NUP93: variants seen among roughly 807,000 people sequenced by gnomAD.
NUP93 encodes the protein nuclear pore complex protein Nup93.
Under a neutral mutation model 107.8 loss-of-function variants are expected in NUP93, and 55 were observed. That is an observed-to-expected ratio of 0.51 (90% CI 0.41 to 0.64). The LOEUF (loss-of-function observed/expected upper bound fraction) is 0.64, where lower values mean the gene tolerates loss of function less well. Among genes scored for constraint, NUP93 ranks in the 30% least tolerant of loss-of-function variants. The pLI is 0.00. For synonymous variants in NUP93, 390 were observed against 397.5 expected (o/e 0.98, Z 0.22); for missense variants, 937 against 1,044.7 (o/e 0.90, Z 1.42).
intron 4 of NUP93, among the ~76,000 whole-genome samples, chr16:56,801,734 G>T (rs572414147): frequency 6.6e-6 from 1 of 152,292 alleles, no homozygotes; most frequent in South Asian, 2.1e-4. Context: ...TGTTCATTCA[G>T]GTTGTGAGGG....
chr16:56,739,347 T>A, intron 1 of NUP93, among the ~76,000 whole-genome samples: 1 of 45,028 alleles, frequency 2.2e-5, no homozygotes, highest in Non-Finnish European at 4.4e-5. Context: ...GCAGGGGGGC[T>A]GACCCCCCCC....
At chr16:56,741,337 T>C (rs1471520819) in intron 1 of NUP93, among the ~76,000 whole-genome samples, 3 of 152,176 alleles carry the variant, frequency 2.0e-5, no homozygotes, top group Non-Finnish European at 4.4e-5. Context: ...TATAAGATAA[T>C]TTTATGTATC....
chr16:56,831,182 C>G (rs1206122178), intron 10 of NUP93, among the ~76,000 whole-genome samples: 1 of 152,168 alleles, frequency 6.6e-6, no homozygotes, highest in Admixed American at 6.5e-5. Context: ...TAAGGAACTG[C>G]TAAGCATTAA....
In NUP93 at chr16:56,846,715, T is replaced by C. The variant is rs1351128581; in HGVS notation, c.*2106T>C. The C allele has an allele frequency of 6.6e-6, 1 of 152,166 alleles. No individual in the cohort carries two copies. The highest frequency in any genetic ancestry group is 2.4e-5 in the African/African-American group (1 of 41,440). 9.4% of individuals were successfully genotyped at this position (152,166 alleles called of 1,614,324 possible). On this transcript the variant is annotated 3_prime_UTR_variant, in exon 22 of 22. Transcript: ENST00000308159. ...ATGGAGTGAGGCTCTGATTCAAAAA[T>C]AAAAATAAGAGTACTCTGTGGACTT...
At chr16:56,815,883 GCT>G (rs1963414315) in intron 5 of NUP93, among the ~76,000 whole-genome samples, 1 of 139,156 alleles carries the variant, frequency 7.2e-6, no homozygotes, top group Admixed American at 7.1e-5. Flanking sequence ...TGCTGCTGCT[GCT>G]GCTGCTGCTG....
At chr16:56,806,213 A>G (rs1298850219) in intron 5 of NUP93, among the ~76,000 whole-genome samples, 1 of 151,566 alleles carries the variant, frequency 6.6e-6, no homozygotes, top group Non-Finnish European at 1.5e-5. Flanking sequence ...TGCTCAGATC[A>G]GACACCTCAG....
At chr16:56,803,395 G>A (rs1963062858) in intron 4 of NUP93, among the ~76,000 whole-genome samples, 1 of 152,178 alleles carries the variant, frequency 6.6e-6, no homozygotes, top group East Asian at 1.9e-4. Flanking sequence ...AACTCAGGAG[G>A]CGGAGTTTGC....
intron 1 of NUP93, among the ~76,000 whole-genome samples, chr16:56,742,401 GA>G (rs1169561450): frequency 1.3e-5 from 2 of 152,158 alleles, no homozygotes; most frequent in Non-Finnish European, 2.9e-5. Context: ...ATCCTTGGGG[GA>G]AAAATAATCC....
At chr16:56,810,709 G>A (rs1963296561) in intron 5 of NUP93, among the ~76,000 whole-genome samples, 1 of 152,052 alleles carries the variant, frequency 6.6e-6, no homozygotes, top group African/African-American at 2.4e-5. Flanking sequence ...AACACACCCA[G>A]ATGAGGAAAC....
intron 3 of NUP93, among the ~76,000 whole-genome samples, chr16:56,777,717 A>T (rs190808926): frequency 6.6e-6 from 1 of 152,226 alleles, no homozygotes; most frequent in African/African-American, 2.4e-5. Flanking sequence ...GAGGAAGCCA[A>T]CTTTGGGAAT....
chr16:56,769,797 A>G (rs973966244), intron 3 of NUP93, among the ~76,000 whole-genome samples: 3 of 152,320 alleles, frequency 2.0e-5, no homozygotes, highest in African/African-American at 4.8e-5. Flanking sequence ...ATACTGAACT[A>G]TTGATTGTTG....
At chr16:56,804,327 A>G (rs1466670189) in intron 4 of NUP93, among the ~76,000 whole-genome samples, 3 of 152,238 alleles carry the variant, frequency 2.0e-5, no homozygotes, top group Admixed American at 2.0e-4. Context: ...CAGTGAATGA[A>G]TGGATAAAGA....
rs369836238 is a variant in NUP93, at chr16:56,823,854, A to C, written c.794+8A>C. 9 of 1,612,992 alleles carry C rather than the reference A, an allele frequency of 5.6e-6. No individual in the cohort carries two copies. Among genetic ancestry groups the C allele is most frequent in the Non-Finnish European group, 6.8e-6 (8 of 1,179,720 alleles). Reference sequence around the variant, plus strand: ...GGCGTACCTTGAGCAGAGGTAAGGCAGCAGTAGCACAGTGGGGCTGGCTTT... The same window carrying C: ...GGCGTACCTTGAGCAGAGGTAAGGCCGCAGTAGCACAGTGGGGCTGGCTTT... On this transcript the variant is annotated splice_region_variant and intron_variant, in intron 8 of 21. Coordinates refer to ENST00000308159, the MANE Select transcript of NUP93 (RefSeq NM_014669.5).
At chr16:56,831,790 T>G in intron 10 of NUP93, 52 bp from the exon 11 acceptor site, 3 of 1,575,612 alleles carry the variant, frequency 1.9e-6, no homozygotes, top group African/African-American at 1.4e-5. Flanking sequence ...CAGATGCCCT[T>G]GAGGATTTTT....
chr16:56,743,437 T>A (rs1961770460), intron 1 of NUP93, among the ~76,000 whole-genome samples: 1 of 152,186 alleles, frequency 6.6e-6, no homozygotes, highest in Non-Finnish European at 1.5e-5. Context: ...TTTACTTTTT[T>A]CATTTAGTTA....
At position 56,844,569 on chromosome 16, in the gene NUP93, C is replaced by T. The variant is rs1326597123; in HGVS notation, c.2420C>T (p.Thr807Ile). 3 of 1,588,910 alleles carry T rather than the reference C, an allele frequency of 1.9e-6. No homozygotes were observed. In the South Asian group the frequency reaches 3.4e-5, roughly 18 times the overall value. Residue 807 changes from threonine to isoleucine, a missense_variant, in exon 22 of 22, where the codon ACC becomes ATC. Coordinates refer to ENST00000308159, the MANE Select transcript of NUP93 (RefSeq NM_014669.5). Reference protein sequence around the residue: ...GMIPYRTSGDTNARLVQMEVL... With the variant: ...GMIPYRTSGDINARLVQMEVL... Reference sequence around the variant, plus strand: ...ATACCATACCGAACGTCTGGGGACACCAATGCGAGGCTGGTGCAGATGGAG... The same window carrying T: ...ATACCATACCGAACGTCTGGGGACATCAATGCGAGGCTGGTGCAGATGGAG...
intron 3 of NUP93, 119 bp downstream of exon 3, chr16:56,758,774 C>T: frequency 1.4e-6 from 1 of 704,932 alleles, no homozygotes; most frequent in Non-Finnish European, 2.5e-6. Flanking sequence ...TCTTCTTCCT[C>T]AGATATTAAG....
intron 1 of NUP93, among the ~76,000 whole-genome samples, chr16:56,733,099 G>A (rs184533801): frequency 6.6e-6 from 1 of 152,274 alleles, no homozygotes; most frequent in East Asian, 1.9e-4. Flanking sequence ...TACTTAGCAT[G>A]TACAGGAGTA....
chr16:56,784,975 A>T (rs1452480730), intron 3 of NUP93, among the ~76,000 whole-genome samples: 1 of 152,202 alleles, frequency 6.6e-6, no homozygotes, highest in African/African-American at 2.4e-5. Flanking sequence ...ATCCTACAAG[A>T]TCCATAAATC....
Sources: gnomAD v4.1 joint callset for allele counts (sites outside exome capture counted in the v4.1 genomes callset) on GRCh38, gnomAD v4.1.1 for gene constraint, MANE v1.5 for transcripts, NCBI Gene and HGNC (gene_info 2026-07-23, HGNC 2026-07-21) for gene names.